LINGO2: variants seen among roughly 807,000 people sequenced by gnomAD.
The protein encoded by LINGO2 is leucine rich repeat and Ig domain containing 2, also known as leucine-rich repeat and immunoglobulin-like domain-containing nogo receptor-interacting protein 2.
LINGO2 carries 14 observed loss-of-function variants against 30.6 expected under a neutral mutation model. The observed-to-expected ratio is 0.46, with a 90% CI of 0.30 to 0.72. The LOEUF is 0.72. Ranked by LOEUF, LINGO2 falls within the 30% of genes least tolerant of loss-of-function variation. The pLI is 0.07. For synonymous variants in LINGO2, 317 were observed against 288.5 expected (o/e 1.10, Z -1.00); for missense variants, 729 against 751.7 (o/e 0.97, Z 0.35).
the LINGO2 span, among the ~76,000 whole-genome samples, chr9:28,987,692 T>C: frequency 7.9e-5 from 12 of 152,168 alleles, no homozygotes; most frequent in Non-Finnish European, 1.8e-4. Context: ...TAAACTTACC[T>C]CTTAGAACTC....
chr9:28,226,982 T>C (rs988484143), intron 4 of LINGO2, among the ~76,000 whole-genome samples: 13 of 152,186 alleles, frequency 8.5e-5, no homozygotes, highest in African/African-American at 2.9e-4. Flanking sequence ...ATCAGTCAGC[T>C]TGTAGGTAGG....
At chr9:29,033,639 A>AT in the LINGO2 span, among the ~76,000 whole-genome samples, 1 of 151,882 alleles carries the variant, frequency 6.6e-6, no homozygotes, top group African/African-American at 2.4e-5. Context: ...ATCTTCATAT[A>AT]TAAAATAAAA....
At chr9:28,973,919 G>A in the LINGO2 span, among the ~76,000 whole-genome samples, 5 of 152,088 alleles carry the variant, frequency 3.3e-5, no homozygotes, top group African/African-American at 9.7e-5. Context: ...CAGAAGAAAC[G>A]AACATTAATG....
the LINGO2 span, among the ~76,000 whole-genome samples, chr9:29,062,772 TA>T: frequency 0.15 from 22,664 of 152,120 alleles, 2,071 homozygotes; most frequent in South Asian, 0.21. Context: ...GATGGTTGCA[TA>T]AAAAAGTACC....
At chr9:28,934,213 T>C in the LINGO2 span, among the ~76,000 whole-genome samples, 1 of 152,242 alleles carries the variant, frequency 6.6e-6, no homozygotes, top group East Asian at 1.9e-4. Flanking sequence ...TTTAAATTCC[T>C]GTTACACTGG....
rs941456556 is a variant in LINGO2 at position 28,147,910 on chromosome 9, C to G, written c.-86-135505G>C. Among the ~76,000 whole-genome samples, 8 of 151,224 alleles carry G rather than the reference C, an allele frequency of 5.3e-5. No homozygotes were observed. Among genetic ancestry groups the G allele is most frequent in the African/African-American group, 1.2e-4 (5 of 40,538 alleles). ...CCCAGATGCCCAGTGTGCACCCGGC[C>G]ACAGAGAAGTGGGTGACTTAGGAGT... On this transcript the variant is annotated intron_variant, in intron 4 of 5. Coordinates refer to ENST00000379992, the Ensembl canonical transcript of LINGO2. The surrounding 1 kb of genome is among the most constrained non-coding windows in gnomAD (Gnocchi z 4.7).
At chr9:28,473,298 T>C (rs1463885440) in intron 2 of LINGO2, among the ~76,000 whole-genome samples, 2 of 151,994 alleles carry the variant, frequency 1.3e-5, no homozygotes, top group Non-Finnish European at 2.9e-5. Flanking sequence ...AGTAGCAGCA[T>C]TCAATTAATG....
At chr9:27,954,915 A>G (rs1281721614) in intron 5 of LINGO2, among the ~76,000 whole-genome samples, 2 of 152,110 alleles carry the variant, frequency 1.3e-5, no homozygotes, top group Non-Finnish European at 2.9e-5. Context: ...AGCATAAATT[A>G]TTTTTTGTCA....
the LINGO2 span, among the ~76,000 whole-genome samples, chr9:28,918,105 C>T: frequency 4.8e-3 from 728 of 151,588 alleles, 6 homozygotes; most frequent in African/African-American, 0.017. Flanking sequence ...AAGACATATC[C>T]GAGACTGGGA....
the LINGO2 span, among the ~76,000 whole-genome samples, chr9:28,944,155 A>G: frequency 6.6e-6 from 1 of 152,218 alleles, no homozygotes; most frequent in Non-Finnish European, 1.5e-5. Context: ...CTTTGTCTGT[A>G]TGATACAAGC....
At chr9:28,931,483 A>C in the LINGO2 span, among the ~76,000 whole-genome samples, 2 of 152,206 alleles carry the variant, frequency 1.3e-5, no homozygotes, top group Non-Finnish European at 2.9e-5. Context: ...TTGCAGGAAG[A>C]GATCAGATAG....
intron 1 of LINGO2, among the ~76,000 whole-genome samples, chr9:28,595,194 A>G (rs1320465980): frequency 1.3e-5 from 2 of 152,134 alleles, no homozygotes; most frequent in African/African-American, 4.8e-5. Context: ...TGATATAAAA[A>G]TAGCACATAA....
At chr9:28,029,113 A>T (rs1823534154) in intron 4 of LINGO2, among the ~76,000 whole-genome samples, 1 of 152,202 alleles carries the variant, frequency 6.6e-6, no homozygotes, top group Non-Finnish European at 1.5e-5. Flanking sequence ...CCTATGAAGA[A>T]ATCTGCTCAA....
chr9:28,197,861 T>C (rs1820069367), intron 4 of LINGO2, among the ~76,000 whole-genome samples: 1 of 149,652 alleles, frequency 6.7e-6, no homozygotes, highest in Non-Finnish European at 1.5e-5. Flanking sequence ...AAAATTTGCA[T>C]TAAAAAAAAA....
At chr9:28,018,927 A>G (rs78130071) in intron 4 of LINGO2, among the ~76,000 whole-genome samples, 3,594 of 152,296 alleles carry the variant, frequency 0.024, 80 homozygotes, top group Non-Finnish European at 0.036. Context: ...GGAATCATAC[A>G]CTATGGGATA....
At chr9:29,007,043 A>AC in the LINGO2 span, among the ~76,000 whole-genome samples, 3 of 152,250 alleles carry the variant, frequency 2.0e-5, no homozygotes, top group East Asian at 5.8e-4. Context: ...AAGCATGCCT[A>AC]CTGAGGAAAA....
At chr9:28,741,067 T>A in the LINGO2 span, among the ~76,000 whole-genome samples, 4 of 151,966 alleles carry the variant, frequency 2.6e-5, no homozygotes, top group East Asian at 7.7e-4. Context: ...CTTATCTGCA[T>A]GCAGCCTACT....
chr9:28,479,569 G>T lies in LINGO2; in HGVS notation c.-364-3544C>A, dbSNP rs376420046. On this transcript the variant is annotated intron_variant, in intron 1 of 5. Transcript: ENST00000379992. Reference sequence around the variant, plus strand: ...GCATAGGTTTTAATCAATTTTGAAAGAATGAAATAAAATAAGTAGATGTTT... The same window carrying T: ...GCATAGGTTTTAATCAATTTTGAAATAATGAAATAAAATAAGTAGATGTTT... Among the ~76,000 whole-genome samples, 4 of 151,670 alleles carry T rather than the reference G, an allele frequency of 2.6e-5. No homozygotes were observed. In the East Asian group the frequency reaches 7.7e-4, roughly 29 times the overall value.
At chr9:28,410,238 T>C (rs111289601) in intron 2 of LINGO2, among the ~76,000 whole-genome samples, 201 of 152,130 alleles carry the variant, frequency 1.3e-3, no homozygotes, top group Admixed American at 6.4e-3. Flanking sequence ...TTCTTAAAAA[T>C]TTATTCTCCA....
Sources: gnomAD v4.1 joint callset for allele counts (sites outside exome capture counted in the v4.1 genomes callset) on GRCh38, gnomAD v4.1.1 for gene constraint, Gnocchi (gnomAD v3.1) non-coding constraint, MANE v1.5 for transcripts, NCBI Gene and HGNC (gene_info 2026-07-23, HGNC 2026-07-21) for gene names.